CTSB: variants seen among roughly 807,000 people sequenced by gnomAD.
CTSB encodes cathepsin B.
A neutral mutation model predicts 44.3 loss-of-function variants in CTSB; 57 were observed. That is an observed-to-expected ratio of 1.29 (90% confidence interval 1.04 to 1.60). The LOEUF is 1.60. CTSB is among the 40% of genes most tolerant of loss of function. CTSB has a pLI of 0.00. For synonymous variants in CTSB, 320 were observed against 168.0 expected (o/e 1.91, Z -7.00); for missense variants, 768 against 443.0 (o/e 1.73, Z -6.59).
At chr8:11,851,290 A>G (rs886353632) in intron 3 of CTSB, among the ~76,000 whole-genome samples, 2 of 151,902 alleles carry the variant, frequency 1.3e-5, no homozygotes, top group African/African-American at 2.4e-5. Context: ...CCTGAGTTCA[A>G]TCGATTCTCG....
At chr8:11,845,922 G>A in intron 8 of CTSB, 133 bp from the exon 9 acceptor site, 13 of 1,046,358 alleles carry the variant, frequency 1.2e-5, no homozygotes, top group Non-Finnish European at 1.7e-5. Flanking sequence ...TCCACCAGGA[G>A]GCTCCAGGGG....
chr8:11,845,837 C>T (rs201941863), intron 8 of CTSB, 48 bp from the exon 9 acceptor site: 154 of 1,555,508 alleles, frequency 9.9e-5, no homozygotes, highest in Non-Finnish European at 1.1e-4. Context: ...CACTGTCCCA[C>T]GCCCCACAGC....
At chr8:11,866,803 T>C (rs913081888) in intron 1 of CTSB, among the ~76,000 whole-genome samples, 2 of 152,192 alleles carry the variant, frequency 1.3e-5, no homozygotes, top group African/African-American at 4.8e-5. Context: ...GAAGTTGTAG[T>C]GAGCCGAGAT....
chr8:11,855,787 G>A (rs558302856), intron 1 of CTSB, among the ~76,000 whole-genome samples: 1 of 152,236 alleles, frequency 6.6e-6, no homozygotes, highest in South Asian at 2.1e-4. Flanking sequence ...GGAGGCTGAG[G>A]CAGGTGGATC....
Position 11,843,621 on chromosome 8 carries a change from G to A in CTSB, c.*1504C>T, listed in dbSNP as rs1042051597. On this transcript the variant is annotated 3_prime_UTR_variant, in exon 10 of 10. Coordinates refer to ENST00000353047, the MANE Select transcript of CTSB (RefSeq NM_001908.5). ...GACTCCAGCCCAAACCAAGGCTGGA[G>A]GGCATCCAGGGGGATGTGGTTCCCC... 3 of 152,252 alleles carry A rather than the reference G, an allele frequency of 2.0e-5. No individual in the cohort carries two copies. The highest frequency in any genetic ancestry group is 7.2e-5 in the African/African-American group (3 of 41,456). 9.4% of individuals were successfully genotyped at this position (152,252 alleles called of 1,614,324 possible). A position where few individuals can be genotyped will look rare whatever the true frequency, so the allele number is the denominator to read the frequency against.
intron 1 of CTSB, among the ~76,000 whole-genome samples, chr8:11,865,011 C>A (rs181529629): frequency 6.6e-6 from 1 of 152,276 alleles, no homozygotes; most frequent in Admixed American, 6.5e-5. Flanking sequence ...CATTAACAAC[C>A]ATGCCAGGGC....
At chr8:11,848,030 C>G (rs766006836) in intron 6 of CTSB, 37 bp downstream of exon 6, 5 of 1,520,010 alleles carry the variant, frequency 3.3e-6, no homozygotes, top group Non-Finnish European at 3.6e-6. Context: ...CTCAAACAAT[C>G]CATCTGGCCA....
chr8:11,856,251 G>A (rs1006491643), intron 1 of CTSB, among the ~76,000 whole-genome samples: 4 of 152,004 alleles, frequency 2.6e-5, no homozygotes, highest in African/African-American at 9.7e-5. Context: ...AAATCTGCAT[G>A]TCCTGGAAAT....
chr8:11,863,434 G>A (rs899023611), intron 1 of CTSB, among the ~76,000 whole-genome samples: 23 of 151,950 alleles, frequency 1.5e-4, no homozygotes, highest in Admixed American at 1.4e-3. Context: ...ACTCCAGCCT[G>A]GCGACACAGT....
At chr8:11,865,520 C>G (rs1321027423) in intron 1 of CTSB, 1 of 202 alleles carries the variant, frequency 5.0e-3, no homozygotes, top group African/African-American at 0.016. Context: ...ACACAGGAAG[C>G]GGAGTTGCAG....
At chr8:11,851,073 A>T (rs1381669610) in intron 3 of CTSB, 93 bp from the exon 4 acceptor site, 1 of 774,616 alleles carries the variant, frequency 1.3e-6, no homozygotes, top group East Asian at 2.7e-5. Context: ...ACACTCCCCT[A>T]ACAAGGAAAT....
At chr8:11,853,716 G>A (rs1238937605) in intron 1 of CTSB, 5 of 465,274 alleles carry the variant, frequency 1.1e-5, no homozygotes, top group African/African-American at 5.9e-5. Flanking sequence ...GAGCCAAGGG[G>A]CTGTGCTGGA....
At chr8:11,863,124 G>A (rs1053049542) in intron 1 of CTSB, among the ~76,000 whole-genome samples, 2 of 152,246 alleles carry the variant, frequency 1.3e-5, no homozygotes, top group South Asian at 2.1e-4. Context: ...ACCAGCCTGG[G>A]CAGGATAGTG....
intron 8 of CTSB, among the ~76,000 whole-genome samples, 176 bp downstream of exon 8, chr8:11,846,876 A>C (rs1813463156): frequency 6.6e-6 from 1 of 152,138 alleles, no homozygotes; most frequent in South Asian, 2.1e-4. Flanking sequence ...AAAGACAGTC[A>C]GGTGCCAGGC....
At chr8:11,847,026 T>C (rs2130997175) in intron 8 of CTSB, 26 bp downstream of exon 8, 2 of 772,298 alleles carry the variant, frequency 2.6e-6, no homozygotes, top group Non-Finnish European at 4.4e-6. Context: ...CCCCACCCTC[T>C]ATTGCCATCA....
intron 1 of CTSB, among the ~76,000 whole-genome samples, chr8:11,862,994 C>G (rs1445767767): frequency 1.3e-5 from 2 of 152,184 alleles, no homozygotes; most frequent in Non-Finnish European, 2.9e-5. Context: ...GCCACACATC[C>G]TTCTCAGCAC....
At chr8:11,859,667 C>G (rs1057099242) in intron 1 of CTSB, among the ~76,000 whole-genome samples, 1 of 146,128 alleles carries the variant, frequency 6.8e-6, no homozygotes, top group Non-Finnish European at 1.5e-5. Context: ...ACTTGGGAGG[C>G]TGAGGCAGGA....
chr8:11,858,357 C>T (rs908365024), intron 1 of CTSB, among the ~76,000 whole-genome samples: 3 of 152,138 alleles, frequency 2.0e-5, no homozygotes, highest in South Asian at 2.1e-4. Flanking sequence ...TGCAGTGGCA[C>T]GATCATGGCT....
intron 1 of CTSB, among the ~76,000 whole-genome samples, chr8:11,866,431 C>T (rs1817161779): frequency 2.0e-5 from 3 of 152,250 alleles, no homozygotes; most frequent in Admixed American, 2.0e-4. Context: ...AGGGGGTACC[C>T]CCAGCTAGAG....
Sources: allele counts gnomAD v4.1 joint callset (sites outside exome capture counted in the v4.1 genomes callset), GRCh38; gene constraint gnomAD v4.1.1; transcripts MANE v1.5; gene names NCBI Gene and HGNC (gene_info 2026-07-23, HGNC 2026-07-21).